NRG3: variants seen among roughly 807,000 people sequenced by gnomAD.
NRG3 encodes pro-neuregulin-3, membrane-bound isoform.
NRG3 carries 31 observed loss-of-function variants against 66.9 expected under a neutral mutation model. The ratio of observed to expected loss-of-function variants is 0.46; its 90% CI spans 0.35 to 0.63. The LOEUF is 0.63. Ranked by LOEUF, NRG3 falls within the 20% of genes least tolerant of loss-of-function variation. NRG3 has a pLI of 0.00. For missense variants in NRG3, 910 were observed against 878.9 expected, an observed-to-expected ratio of 1.04 and a Z score of -0.45; for synonymous variants, 393 against 359.4, an observed-to-expected ratio of 1.09 and a Z score of -1.06.
intron 2 of NRG3, among the ~76,000 whole-genome samples, chr10:82,624,033 A>C (rs2133645559): frequency 6.6e-6 from 1 of 152,302 alleles, no homozygotes; most frequent in South Asian, 2.1e-4. Flanking sequence ...GCTTTGAGAC[A>C]GAAAAACTTG....
At chr10:82,953,671 A>G (rs769936991) in intron 5 of NRG3, among the ~76,000 whole-genome samples, 15 of 151,938 alleles carry the variant, frequency 9.9e-5, no homozygotes, top group Non-Finnish European at 1.9e-4. Flanking sequence ...GAATTTTGTT[A>G]AGGATTAAAT....
intron 1 of NRG3, among the ~76,000 whole-genome samples, chr10:81,933,721 G>A (rs1847604777): frequency 6.6e-6 from 1 of 152,162 alleles, no homozygotes; most frequent in Non-Finnish European, 1.5e-5. Flanking sequence ...AGATGAAAGT[G>A]TATGCCCAGC....
At chr10:82,109,603 G>T (rs1252811696) in intron 1 of NRG3, among the ~76,000 whole-genome samples, 2 of 148,450 alleles carry the variant, frequency 1.3e-5, no homozygotes, top group Non-Finnish European at 3.0e-5. Flanking sequence ...AGATCAAATT[G>T]ATTCCAATGC....
At chr10:82,680,388 C>G (rs887302002) in intron 2 of NRG3, among the ~76,000 whole-genome samples, 1 of 152,148 alleles carries the variant, frequency 6.6e-6, no homozygotes, top group Non-Finnish European at 1.5e-5. Flanking sequence ...AGCAGAATGC[C>G]TGACACATTA....
intron 1 of NRG3, chr10:82,224,366 C>A (rs1029090153): frequency 2.0e-5 from 3 of 152,132 alleles, no homozygotes; most frequent in Non-Finnish European, 2.9e-5. Flanking sequence ...GCATCTAGAA[C>A]ATAAAAAGTA....
intron 1 of NRG3, among the ~76,000 whole-genome samples, chr10:82,323,848 T>C (rs1276556734): frequency 6.6e-6 from 1 of 152,132 alleles, no homozygotes; most frequent in Non-Finnish European, 1.5e-5. Flanking sequence ...TATGGTTTGA[T>C]GTTTTAAGTA....
intron 2 of NRG3, among the ~76,000 whole-genome samples, chr10:82,709,735 A>G (rs145625822): frequency 6.6e-6 from 1 of 152,258 alleles, no homozygotes; most frequent in African/African-American, 2.4e-5. Flanking sequence ...AGAAAGCCTT[A>G]CTTTATTTCC....
chr10:82,117,935 C>T (rs1368630864), intron 1 of NRG3, among the ~76,000 whole-genome samples: 4 of 152,158 alleles, frequency 2.6e-5, no homozygotes, highest in African/African-American at 9.7e-5. Flanking sequence ...TTCAACCTCT[C>T]AGTTCTTCTG....
chr10:82,052,317 G>A (rs1194498602), intron 1 of NRG3, among the ~76,000 whole-genome samples: 2 of 152,078 alleles, frequency 1.3e-5, no homozygotes, highest in Non-Finnish European at 2.9e-5. Flanking sequence ...TATTGAATTA[G>A]GCTGAAGGGA....
intron 2 of NRG3, among the ~76,000 whole-genome samples, chr10:82,380,155 T>A (rs950811505): frequency 6.6e-6 from 1 of 152,046 alleles, no homozygotes; most frequent in African/African-American, 2.4e-5. Context: ...CATGTGGAGC[T>A]TTTTACTTAT....
At chr10:82,678,755 T>G (rs1260058960) in intron 2 of NRG3, among the ~76,000 whole-genome samples, 1 of 152,002 alleles carries the variant, frequency 6.6e-6, no homozygotes, top group African/African-American at 2.4e-5. Flanking sequence ...TTACCAGAGT[T>G]TTTTTTTGCC....
intron 4 of NRG3, among the ~76,000 whole-genome samples, chr10:82,911,445 A>G (rs1227559363): frequency 1.3e-5 from 2 of 152,036 alleles, no homozygotes; most frequent in Non-Finnish European, 2.9e-5. Flanking sequence ...ATGTAGTCCT[A>G]TTCAGATTAT....
intron 1 of NRG3, among the ~76,000 whole-genome samples, chr10:82,347,551 G>A (rs911096223): frequency 3.3e-5 from 5 of 151,134 alleles, no homozygotes; most frequent in Non-Finnish European, 3.0e-5. Flanking sequence ...CTGTTGATTT[G>A]GGGTGGAGAG....
At chr10:81,882,645 A>G (rs987283547) in intron 1 of NRG3, among the ~76,000 whole-genome samples, 4 of 152,188 alleles carry the variant, frequency 2.6e-5, no homozygotes, top group African/African-American at 2.4e-5. Context: ...TTTTATGTCA[A>G]GTGAAATGGG....
chr10:82,752,475 C>A (rs1010524707), intron 3 of NRG3, among the ~76,000 whole-genome samples: 38 of 152,082 alleles, frequency 2.5e-4, no homozygotes, highest in African/African-American at 9.2e-4. Flanking sequence ...CTCGCTTTTT[C>A]ATCTAGCAAT....
intron 1 of NRG3, among the ~76,000 whole-genome samples, chr10:81,987,629 G>T (rs1214626417): frequency 6.6e-6 from 1 of 152,158 alleles, no homozygotes; most frequent in Admixed American, 6.5e-5. Flanking sequence ...TTTGGAATTG[G>T]ATAAGAGCAT....
intron 3 of NRG3, among the ~76,000 whole-genome samples, chr10:82,793,062 G>T (rs1368561171): frequency 1.3e-5 from 2 of 151,696 alleles, no homozygotes; most frequent in Non-Finnish European, 1.5e-5. Context: ...AATCTCTTGG[G>T]TTTTTTATTT....
intron 1 of NRG3, among the ~76,000 whole-genome samples, chr10:81,993,038 G>A (rs1381837824): frequency 2.0e-5 from 3 of 152,036 alleles, no homozygotes; most frequent in East Asian, 1.9e-4. Context: ...GAATAGTTTG[G>A]GAAATGTCAT....
intron 1 of NRG3, among the ~76,000 whole-genome samples, chr10:81,918,452 A>G (rs190631765): frequency 2.4e-4 from 37 of 152,298 alleles, no homozygotes; most frequent in Non-Finnish European, 3.8e-4. Context: ...CAGGTACTCC[A>G]TCATCTGCTT....
Sources: allele counts gnomAD v4.1 joint callset (sites outside exome capture counted in the v4.1 genomes callset), GRCh38; gene constraint gnomAD v4.1.1; transcripts MANE v1.5; gene names NCBI Gene and HGNC (gene_info 2026-07-23, HGNC 2026-07-21).